Variants in VTI1A observed in about 807,000 individuals in gnomAD.
The protein encoded by VTI1A is vesicle transport through interaction with t-SNAREs 1A, also known as vesicle transport through interaction with t-SNAREs homolog 1A.
Under a neutral mutation model 34.9 loss-of-function variants are expected in VTI1A, and 22 were observed. The ratio of observed to expected loss-of-function variants is 0.63; its 90% CI spans 0.45 to 0.90. The LOEUF (loss-of-function observed/expected upper bound fraction) is 0.90, where lower values mean the gene tolerates loss of function less well. Ranked by LOEUF, VTI1A falls within the 40% of genes least tolerant of loss-of-function variation. The pLI, the probability that VTI1A is intolerant of heterozygous loss-of-function variation, is 0.00. For synonymous variants in VTI1A, 87 were observed against 97.3 expected (o/e 0.89, Z 0.62); for missense variants, 268 against 275.6 (o/e 0.97, Z 0.20).
chr10:112,568,485 C>CA (rs1354253714), intron 5 of VTI1A, among the ~76,000 whole-genome samples: 1 of 149,678 alleles, frequency 6.7e-6, no homozygotes, highest in South Asian at 2.1e-4. Flanking sequence ...ACAGCCTGGG[C>CA]AAAAAAGTGA....
chr10:112,521,536 A>G (rs927866021), intron 3 of VTI1A, among the ~76,000 whole-genome samples: 3 of 152,008 alleles, frequency 2.0e-5, no homozygotes, highest in Non-Finnish European at 4.4e-5. Flanking sequence ...TAACATTTAA[A>G]TCTTCACAAC....
At chr10:112,770,934 G>C (rs1851796993) in intron 7 of VTI1A, among the ~76,000 whole-genome samples, 1 of 152,124 alleles carries the variant, frequency 6.6e-6, no homozygotes, top group Non-Finnish European at 1.5e-5. Context: ...ATAAACAGGA[G>C]AGATAGGACT....
intron 5 of VTI1A, among the ~76,000 whole-genome samples, chr10:112,645,776 C>T (rs1368329438): frequency 1.3e-5 from 2 of 151,950 alleles, no homozygotes; most frequent in Admixed American, 6.6e-5. Flanking sequence ...CCAACTTTAC[C>T]CCTTTGCCTT....
At chr10:112,454,722 A>G (rs953606198) in intron 1 of VTI1A, among the ~76,000 whole-genome samples, 2 of 152,072 alleles carry the variant, frequency 1.3e-5, no homozygotes, top group Non-Finnish European at 2.9e-5. Context: ...CAAAAAAAAA[A>G]AAAAAAGTGG....
intron 7 of VTI1A, among the ~76,000 whole-genome samples, chr10:112,686,080 A>T (rs1466110468): frequency 2.6e-5 from 4 of 152,240 alleles, no homozygotes; most frequent in Non-Finnish European, 5.9e-5. Flanking sequence ...AACAGAAACA[A>T]GATGGGGAAT....
rs531851145 is a variant in VTI1A, at chr10:112,460,686, A to T, written c.153+104A>T. On this transcript the variant is annotated intron_variant, in intron 2 of 7. Coordinates refer to ENST00000393077, the MANE Select transcript of VTI1A (RefSeq NM_145206.4). The stretch of plus-strand genomic sequence containing the variant: ...ATTGTGGAAATGTGAAGCATTGCTG[A>T]TTAGCATTTTATAATTCAGAATTTG... 5.8e-5 allele frequency: 49 copies of T among 839,912 alleles called. No individual in the cohort carries two copies. The South Asian group carries it at 1.6e-3, about 27-fold the overall frequency. 52.0% of individuals were successfully genotyped at this position (839,912 alleles called of 1,614,324 possible). A position where few individuals can be genotyped will look rare whatever the true frequency, so the allele number is the denominator to read the frequency against.
intron 5 of VTI1A, among the ~76,000 whole-genome samples, chr10:112,650,725 T>C (rs890683689): frequency 1.3e-5 from 2 of 152,222 alleles, no homozygotes; most frequent in African/African-American, 2.4e-5. Context: ...AGCGCTATTA[T>C]AATCTTTTGG....
chr10:112,848,405 C>T, the VTI1A span, among the ~76,000 whole-genome samples: 2 of 152,120 alleles, frequency 1.3e-5, no homozygotes, highest in African/African-American at 4.8e-5. Context: ...CACAGAACCC[C>T]ACCCCTGCTG....
chr10:112,700,452 C>G (rs907880067), intron 7 of VTI1A, among the ~76,000 whole-genome samples: 2 of 152,090 alleles, frequency 1.3e-5, no homozygotes, highest in African/African-American at 4.8e-5. Context: ...CTCTACTAGG[C>G]ACTTTCTAAT....
intron 3 of VTI1A, among the ~76,000 whole-genome samples, chr10:112,493,059 C>A (rs1848890150): frequency 6.6e-6 from 1 of 152,122 alleles, no homozygotes; most frequent in Non-Finnish European, 1.5e-5. Context: ...TGAATAGAAT[C>A]TGGATAAATC....
At chr10:112,822,489 T>G (rs1380212697), downstream of VTI1A, among the ~76,000 whole-genome samples, 1 of 152,216 alleles carries the variant, frequency 6.6e-6, no homozygotes, top group African/African-American at 2.4e-5. Context: ...CTCCTGAGGC[T>G]GAAGGAAGTC....
chr10:112,765,280 G>T (rs891871006), intron 7 of VTI1A, among the ~76,000 whole-genome samples: 5 of 152,136 alleles, frequency 3.3e-5, no homozygotes, highest in Non-Finnish European at 7.4e-5. Flanking sequence ...CACAATCTTG[G>T]CTTACTGCAG....
intron 1 of VTI1A, 135 bp from the exon 2 acceptor site, chr10:112,460,389 G>A (rs1847691952): frequency 1.4e-6 from 1 of 719,062 alleles, no homozygotes; most frequent in Non-Finnish European, 2.2e-6. Context: ...ACCCACCAAA[G>A]AATGATATGC....
chr10:112,792,633 G>A (rs10787462), intron 7 of VTI1A, among the ~76,000 whole-genome samples: 84,508 of 151,956 alleles, frequency 0.56, 23,796 homozygotes, highest in South Asian at 0.67. Flanking sequence ...TCAAAAATCT[G>A]ACTCATAAAA....
At chr10:112,734,199 C>T (rs1157667081) in intron 7 of VTI1A, among the ~76,000 whole-genome samples, 1 of 152,112 alleles carries the variant, frequency 6.6e-6, no homozygotes, top group Non-Finnish European at 1.5e-5. Context: ...GGTTCAAGCT[C>T]CTTACCAGCA....
chr10:112,848,714 A>C, the VTI1A span, among the ~76,000 whole-genome samples: 1 of 152,346 alleles, frequency 6.6e-6, no homozygotes, highest in Admixed American at 6.5e-5. Context: ...AAGCCAGAGA[A>C]GCAAAAAAGT....
the VTI1A span, chr10:112,825,530 T>G: frequency 6.6e-6 from 1 of 152,252 alleles, no homozygotes; most frequent in African/African-American, 2.4e-5. Context: ...TGCTATGGGT[T>G]GGGGCAGGGG....
intron 7 of VTI1A, among the ~76,000 whole-genome samples, chr10:112,762,968 T>C (rs1329702550): frequency 6.6e-6 from 1 of 152,162 alleles, no homozygotes; most frequent in African/African-American, 2.4e-5. Flanking sequence ...GAGCCACAGC[T>C]GAAAGATGTT....
chr10:112,454,185 C>T (rs981161288), intron 1 of VTI1A, among the ~76,000 whole-genome samples: 1 of 152,204 alleles, frequency 6.6e-6, no homozygotes, highest in Non-Finnish European at 1.5e-5. Flanking sequence ...TTTATTTTAA[C>T]ATATCTACAT....
Sources: gnomAD v4.1 joint callset for allele counts (sites outside exome capture counted in the v4.1 genomes callset) on GRCh38, gnomAD v4.1.1 for gene constraint, MANE v1.5 for transcripts, NCBI Gene and HGNC (gene_info 2026-07-23, HGNC 2026-07-21) for gene names.